CNTN4: variants seen among roughly 807,000 people sequenced by gnomAD.
CNTN4 encodes the protein contactin-4.
Under a neutral mutation model 122.5 loss-of-function variants are expected in CNTN4, and 77 were observed. The ratio of observed to expected loss-of-function variants is 0.63; its 90% CI spans 0.52 to 0.76. The LOEUF (loss-of-function observed/expected upper bound fraction) is 0.76. Among genes scored for constraint, CNTN4 ranks in the 30% least tolerant of loss-of-function variants. CNTN4 has a pLI of 0.00. For missense variants in CNTN4, 1,256 were observed against 1,259.1 expected (o/e 1.00, Z 0.04); for synonymous variants, 512 against 447.0 (o/e 1.15, Z -1.83).
chr3:2,655,734 G>A (rs765539573), intron 4 of CNTN4, among the ~76,000 whole-genome samples: 8 of 152,048 alleles, frequency 5.3e-5, no homozygotes. Flanking sequence ...TTGAAATGAC[G>A]GAACATGAAT....
intron 20 of CNTN4, chr3:3,041,142 C>G (rs571356225): frequency 2.6e-5 from 4 of 152,278 alleles, no homozygotes; most frequent in African/African-American, 9.6e-5. Context: ...AGAATGGGAC[C>G]ATGTTAAAAC....
chr3:2,776,961 A>G (rs920106284), intron 6 of CNTN4, among the ~76,000 whole-genome samples: 1 of 151,342 alleles, frequency 6.6e-6, no homozygotes, highest in African/African-American at 2.4e-5. Context: ...GAGAGACACC[A>G]TGCATCTTTT....
intron 4 of CNTN4, among the ~76,000 whole-genome samples, chr3:2,650,389 T>C (rs1381749588): frequency 1.3e-5 from 2 of 152,168 alleles, no homozygotes; most frequent in Non-Finnish European, 2.9e-5. Flanking sequence ...ATGGAATCTA[T>C]TCTTGGTAAA....
intron 14 of CNTN4, among the ~76,000 whole-genome samples, chr3:3,023,400 G>A (rs564728863): frequency 1.3e-5 from 2 of 152,268 alleles, no homozygotes; most frequent in African/African-American, 4.8e-5. Context: ...TCTGGTCCTT[G>A]CTTAAAAGAC....
chr3:2,950,238 C>T (rs976401610), intron 13 of CNTN4, among the ~76,000 whole-genome samples: 7 of 152,192 alleles, frequency 4.6e-5, no homozygotes, highest in African/African-American at 1.2e-4. Flanking sequence ...CATGTGCTGA[C>T]ATGGGAGTTG....
intron 6 of CNTN4, among the ~76,000 whole-genome samples, chr3:2,751,435 T>G (rs2090085550): frequency 6.6e-6 from 1 of 152,194 alleles, no homozygotes; most frequent in Admixed American, 6.5e-5. Context: ...TCATGAAGTG[T>G]TTCAAAGGAA....
At chr3:2,494,109 C>T (rs1282133725) in intron 3 of CNTN4, among the ~76,000 whole-genome samples, 1 of 151,580 alleles carries the variant, frequency 6.6e-6, no homozygotes, top group African/African-American at 2.4e-5. Flanking sequence ...GTTATTGAAC[C>T]AATTATTGAT....
chr3:2,559,617 A>G (rs754892514), intron 3 of CNTN4, among the ~76,000 whole-genome samples: 38 of 152,172 alleles, frequency 2.5e-4, no homozygotes, highest in Admixed American at 7.9e-4. Context: ...CATCTTTCAT[A>G]CCTGAGACCC....
intron 4 of CNTN4, among the ~76,000 whole-genome samples, chr3:2,623,506 G>A (rs1299810559): frequency 1.3e-5 from 2 of 152,190 alleles, no homozygotes; most frequent in East Asian, 1.9e-4. Flanking sequence ...AGGGGCAGGG[G>A]AGGTCAGAGG....
intron 6 of CNTN4, among the ~76,000 whole-genome samples, chr3:2,764,134 G>C (rs536199826): frequency 7.9e-5 from 12 of 152,206 alleles, no homozygotes; most frequent in African/African-American, 2.9e-4. Context: ...TCTGTGCTGG[G>C]CAGATAAACA....
intron 4 of CNTN4, among the ~76,000 whole-genome samples, chr3:2,713,552 C>G (rs957156740): frequency 3.3e-5 from 5 of 152,084 alleles, no homozygotes; most frequent in African/African-American, 1.2e-4. Flanking sequence ...GGGAGGACCC[C>G]TCTGGAATGC....
chr3:3,018,631 T>C (rs1230491133), intron 14 of CNTN4, among the ~76,000 whole-genome samples: 2 of 152,140 alleles, frequency 1.3e-5, no homozygotes, highest in Non-Finnish European at 2.9e-5. Flanking sequence ...TTAAGCAAAT[T>C]AGGAAATGTT....
chr3:3,022,860 G>C (rs775427448), intron 14 of CNTN4, among the ~76,000 whole-genome samples: 1 of 152,280 alleles, frequency 6.6e-6, no homozygotes, highest in Admixed American at 6.5e-5. Flanking sequence ...TAGGGATGTT[G>C]TTGGTCCTAT....
At chr3:2,539,444 T>G (rs570732879) in intron 3 of CNTN4, among the ~76,000 whole-genome samples, 9 of 152,178 alleles carry the variant, frequency 5.9e-5, no homozygotes, top group African/African-American at 1.9e-4. Flanking sequence ...CAAATAAGAT[T>G]TTTCTTAGTT....
At chr3:2,840,861 G>A (rs1429437016) in intron 7 of CNTN4, among the ~76,000 whole-genome samples, 2 of 151,986 alleles carry the variant, frequency 1.3e-5, no homozygotes, top group Admixed American at 1.3e-4. Flanking sequence ...TTTGCTGTGT[G>A]ACCTCCCTGT....
intron 7 of CNTN4, among the ~76,000 whole-genome samples, chr3:2,837,906 A>C (rs1291673268): frequency 2.0e-5 from 3 of 152,194 alleles, no homozygotes; most frequent in Non-Finnish European, 4.4e-5. Context: ...TATTTTCAAC[A>C]AAGTCCCATG....
At chr3:2,817,363 A>T (rs2092761043) in intron 6 of CNTN4, among the ~76,000 whole-genome samples, 1 of 152,222 alleles carries the variant, frequency 6.6e-6, no homozygotes, top group East Asian at 1.9e-4. Flanking sequence ...TGGTTTTCAA[A>T]CTCAGATCTA....
chr3:2,868,747 A>T (rs556005629), intron 8 of CNTN4, among the ~76,000 whole-genome samples: 21 of 152,266 alleles, frequency 1.4e-4, no homozygotes, highest in African/African-American at 4.8e-4. Context: ...CTCCTGGGGG[A>T]TGCAGACACA....
intron 3 of CNTN4, among the ~76,000 whole-genome samples, chr3:2,432,693 C>T (rs1434508357): frequency 1.3e-5 from 2 of 151,346 alleles, no homozygotes; most frequent in Admixed American, 6.6e-5. Flanking sequence ...TATATATATA[C>T]CACATTTTCT....
Sources: allele counts gnomAD v4.1 joint callset (sites outside exome capture counted in the v4.1 genomes callset), GRCh38; gene constraint gnomAD v4.1.1; transcripts MANE v1.5; gene names NCBI Gene and HGNC (gene_info 2026-07-23, HGNC 2026-07-21).